The following QPCT variants were observed in gnomAD, a reference collection of about 807,000 sequenced individuals.
QPCT encodes glutaminyl-peptide cyclotransferase, also known as EC.
A neutral mutation model predicts 43.4 loss-of-function variants in QPCT; 44 were observed. The ratio of observed to expected loss-of-function variants is 1.01; its 90% CI spans 0.80 to 1.30. QPCT has a LOEUF of 1.30. QPCT is among the 50% of genes most tolerant of loss of function. QPCT has a pLI of 0.00. For synonymous variants in QPCT, 168 were observed against 168.4 expected, an observed-to-expected ratio of 1.00 and a Z score of 0.02; for missense variants, 526 against 436.5, an observed-to-expected ratio of 1.21 and a Z score of -1.83.
At position 37,367,219 on chromosome 2, in the gene QPCT, T is replaced by C. The variant is rs1672980754; in HGVS notation, c.547-13T>C. ...GTATTTTTTTGCTATGTTTTTATTGTTGTTTTTACCAGACTGTTTCAGACT... is the reference window on the plus strand; with the variant it reads ...GTATTTTTTTGCTATGTTTTTATTGCTGTTTTTACCAGACTGTTTCAGACT... On this transcript the variant is annotated splice_polypyrimidine_tract_variant and intron_variant, in intron 3 of 6. Coordinates refer to ENST00000338415, the MANE Select transcript of QPCT (RefSeq NM_012413.4). 6.2e-6 allele frequency: 10 copies of C among 1,600,184 alleles called. No individual in the cohort carries two copies. The highest frequency in any genetic ancestry group is 8.5e-6 in the Non-Finnish European group (10 of 1,173,778).
At chr2:37,372,296 A>G in intron 5 of QPCT, 60 bp from the exon 6 acceptor site, 1 of 1,191,562 alleles carries the variant, frequency 8.4e-7, no homozygotes, top group East Asian at 2.3e-5. Flanking sequence ...ATAAGGATAC[A>G]TTATGAGTCT....
chr2:37,368,539 C>T (rs1467020534), intron 4 of QPCT: 12 of 469,110 alleles, frequency 2.6e-5, no homozygotes, highest in Middle Eastern at 3.2e-4. Flanking sequence ...CACTGACCTT[C>T]GCCCTATAAA....
chr2:37,360,887 T>A (rs187631796), intron 3 of QPCT, among the ~76,000 whole-genome samples: 2 of 152,220 alleles, frequency 1.3e-5, no homozygotes, highest in African/African-American at 2.4e-5. Context: ...TGCAAAAGTC[T>A]AATTTTTCAT....
chr2:37,353,040 C>A, intron 2 of QPCT, 105 bp downstream of exon 2: 1 of 1,303,824 alleles, frequency 7.7e-7, no homozygotes, highest in Non-Finnish European at 1.0e-6. Context: ...TCAGATCTGT[C>A]ATCTCCTCAT....
chr2:37,351,559 A>G (rs1672626293), intron 1 of QPCT, among the ~76,000 whole-genome samples: 1 of 152,242 alleles, frequency 6.6e-6, no homozygotes, highest in South Asian at 2.1e-4. Context: ...AATTGCAACA[A>G]TCATCTGAGT....
intron 1 of QPCT, among the ~76,000 whole-genome samples, chr2:37,350,732 C>G (rs1672603705): frequency 6.6e-6 from 1 of 152,184 alleles, no homozygotes. Context: ...AGGTTGGAGA[C>G]TAGAGCATCT....
At position 37,372,475 on chromosome 2, in the gene QPCT, A is replaced by C; in HGVS notation, c.940+3A>C. The C allele has an allele frequency of 6.3e-7, 1 of 1,595,822 alleles. No homozygotes were observed. Among genetic ancestry groups the C allele is most frequent in the Non-Finnish European group, 8.6e-7 (1 of 1,163,612 alleles). ...CCATATTCCATTTTTAAGAAGAGGT[A>C]ATGTGTGTGTGTGTGTGTGTTTGTG... On this transcript the variant is annotated splice_donor_region_variant and intron_variant, in intron 6 of 6. Coordinates refer to ENST00000338415, the MANE Select transcript of QPCT (RefSeq NM_012413.4).
At chr2:37,348,887 T>A (rs1672563742) in intron 1 of QPCT, among the ~76,000 whole-genome samples, 1 of 152,234 alleles carries the variant, frequency 6.6e-6, no homozygotes, top group African/African-American at 2.4e-5. Flanking sequence ...CATTTACCAT[T>A]GGGCTCAACT....
chr2:37,368,040 T>C (rs908937390), intron 4 of QPCT, among the ~76,000 whole-genome samples: 6 of 152,154 alleles, frequency 3.9e-5, no homozygotes, highest in African/African-American at 1.4e-4. Flanking sequence ...AACCCCTTCT[T>C]TCAGGCCTTT....
rs111911070 is a variant in QPCT, at chr2:37,352,847, C to A, written c.179C>A (p.Thr60Asn). Reference sequence around the variant, plus strand: ...GCTCTTCGGCAAATTGCAGAAGGCACCAGTATCTCTGAAATGTGGCAAAAT... The same window carrying A: ...GCTCTTCGGCAAATTGCAGAAGGCAACAGTATCTCTGAAATGTGGCAAAAT... ...SSALRQIAEG[T>N]SISEMWQNDL... The change falls in exon 2 of 7, where the codon ACC (threonine) becomes AAC (asparagine). Residue 60 changes from threonine (T) to asparagine (N), a missense_variant. Coordinates refer to ENST00000338415, the MANE Select transcript of QPCT (RefSeq NM_012413.4). 6 of 1,614,164 alleles carry A rather than the reference C, an allele frequency of 3.7e-6. No homozygotes were observed. The highest frequency in any genetic ancestry group is 5.1e-6 in the Non-Finnish European group (6 of 1,180,016).
At chr2:37,370,028 T>C (rs572920668) in intron 5 of QPCT, among the ~76,000 whole-genome samples, 2 of 151,808 alleles carry the variant, frequency 1.3e-5, no homozygotes, top group East Asian at 3.9e-4. Context: ...ACAAAATAAA[T>C]ACAAAAATTA....
rs147500036 is a variant in QPCT, at chr2:37,373,128, A to G, written c.*301A>G. 1.8e-3 allele frequency: 360 copies of G among 198,524 alleles called. No homozygotes were observed. The highest frequency in any genetic ancestry group is 8.0e-3 in the African/African-American group (344 of 43,210). 12.3% of individuals were successfully genotyped at this position (198,524 alleles called of 1,614,324 possible). A position where few individuals can be genotyped will look rare whatever the true frequency, so the allele number is the denominator to read the frequency against. On this transcript the variant is annotated 3_prime_UTR_variant, in exon 7 of 7. Coordinates refer to ENST00000338415, the MANE Select transcript of QPCT (RefSeq NM_012413.4). ...AACACGATGAGGCAAAATCAGGTTC[A>G]TTCATTCAACGATAGTTTCTCAACA...
chr2:37,368,736 G>T, intron 4 of QPCT: 1 of 470,270 alleles, frequency 2.1e-6, no homozygotes, highest in Non-Finnish European at 4.4e-6. Flanking sequence ...GAGACGCCTG[G>T]TTGATCAGCA....
At chr2:37,361,360 T>C (rs1672854964) in intron 3 of QPCT, among the ~76,000 whole-genome samples, 1 of 152,214 alleles carries the variant, frequency 6.6e-6, no homozygotes, top group Non-Finnish European at 1.5e-5. Flanking sequence ...TCTCCAGTAA[T>C]AGGACTGTCA....
chr2:37,350,688 T>C (rs1290770189), intron 1 of QPCT, among the ~76,000 whole-genome samples: 2 of 152,244 alleles, frequency 1.3e-5, no homozygotes, highest in African/African-American at 4.8e-5. Flanking sequence ...AGCTGGTTTC[T>C]ATGAATCTCA....
At chr2:37,362,464 A>G (rs1672872930) in intron 3 of QPCT, among the ~76,000 whole-genome samples, 1 of 152,250 alleles carries the variant, frequency 6.6e-6, no homozygotes, top group Non-Finnish European at 1.5e-5. Flanking sequence ...GAGGATTCAA[A>G]TCAAATTACA....
chr2:37,353,466 C>T (rs1391681924), intron 2 of QPCT, among the ~76,000 whole-genome samples: 2 of 152,164 alleles, frequency 1.3e-5, no homozygotes, highest in Admixed American at 6.5e-5. Context: ...TACACACAAA[C>T]GTACTGGCAT....
intron 1 of QPCT, among the ~76,000 whole-genome samples, chr2:37,350,031 G>A (rs897729243): frequency 6.6e-6 from 1 of 152,176 alleles, no homozygotes; most frequent in Non-Finnish European, 1.5e-5. Flanking sequence ...CCCTTATGGA[G>A]CTGATGTCTT....
chr2:37,361,146 G>A (rs998550238), intron 3 of QPCT, among the ~76,000 whole-genome samples: 4 of 152,122 alleles, frequency 2.6e-5, no homozygotes, highest in Non-Finnish European at 5.9e-5. Flanking sequence ...TGGTGAGGTG[G>A]GGGATTTTTT....
Sources: gnomAD v4.1 joint callset for allele counts (sites outside exome capture counted in the v4.1 genomes callset) on GRCh38, gnomAD v4.1.1 for gene constraint, MANE v1.5 for transcripts, NCBI Gene and HGNC (gene_info 2026-07-23, HGNC 2026-07-21) for gene names.